The following CD163L1 variants were observed in gnomAD, a reference collection of about 807,000 sequenced individuals.
CD163L1 encodes scavenger receptor cysteine-rich type 1 protein M160.
In CD163L1, 124 loss-of-function variants were observed where a neutral mutation model predicts 165.4. The ratio of observed to expected loss-of-function variants is 0.75; its 90% CI spans 0.65 to 0.87. The LOEUF (loss-of-function observed/expected upper bound fraction) is 0.87. CD163L1 is among the 40% of genes least tolerant of loss of function. The pLI, the probability that CD163L1 is intolerant of heterozygous loss-of-function variation, is 0.00. For synonymous variants in CD163L1, 585 were observed against 662.2 expected, an observed-to-expected ratio of 0.88 and a Z score of 1.79; for missense variants, 1,525 against 1,799.9, an observed-to-expected ratio of 0.85 and a Z score of 2.76.
the CD163L1 span, among the ~76,000 whole-genome samples, chr12:7,324,888 A>T: frequency 6.6e-6 from 1 of 151,544 alleles, no homozygotes; most frequent in Non-Finnish European, 1.5e-5. Flanking sequence ...AAGTACAGCC[A>T]CATCCAAAGG....
chr12:7,426,108 G>T (rs1591962050), intron 4 of CD163L1, among the ~76,000 whole-genome samples: 1 of 152,306 alleles, frequency 6.6e-6, no homozygotes, highest in East Asian at 1.9e-4. Context: ...ATACTATGCA[G>T]CCATAAAAAA....
Position 7,400,998 on chromosome 12 carries a change from T to C in CD163L1, c.1409-2414A>G, listed in dbSNP as rs1947905270. On this transcript the variant is annotated intron_variant, in intron 6 of 19. Coordinates refer to ENST00000313599, the MANE Select transcript of CD163L1 (RefSeq NM_174941.6). The surrounding 1 kb of genome is among the most constrained non-coding windows in gnomAD (Gnocchi z 4.1). ...ATGCTAACACATAAACAAATACAAA[T>C]AAGTTGCTAATAAAGAATTAGGAAA... Among the ~76,000 whole-genome samples, 1 of 152,030 alleles carries C rather than the reference T, an allele frequency of 6.6e-6. No individual in the cohort carries two copies. Among genetic ancestry groups the C allele is most frequent in the Non-Finnish European group, 1.5e-5 (1 of 67,984 alleles).
At chr12:7,323,766 A>G in the CD163L1 span, among the ~76,000 whole-genome samples, 1 of 152,212 alleles carries the variant, frequency 6.6e-6, no homozygotes, top group East Asian at 1.9e-4. Flanking sequence ...CTCAGAAAGG[A>G]AAACCGGACA....
At position 7,367,298 on chromosome 12, in the gene CD163L1, T is replaced by A; in HGVS notation, c.4217A>T (p.Asn1406Ile). 6.2e-7 allele frequency: 1 copy of A among 1,613,438 alleles called. No homozygotes were observed. Among genetic ancestry groups the A allele is most frequent in the African/African-American group, 1.3e-5 (1 of 75,014 alleles). The change falls in exon 18 of 20, where the codon AAT becomes ATT. Residue 1406 changes from asparagine (N) to isoleucine (I), a missense_variant. Transcript: ENST00000313599. ...STRRRGSLEE[N>I]LFHEMETCLK... is the part of the protein sequence containing the mutation. Reference sequence around the variant, plus strand: ...GCAGGTCTCCATCTCATGGAATAAATTCTCCTCGAGAGAACCCCTCCTTCT... The same window carrying A: ...GCAGGTCTCCATCTCATGGAATAAAATCTCCTCGAGAGAACCCCTCCTTCT...
intron 2 of CD163L1, among the ~76,000 whole-genome samples, chr12:7,434,251 T>C (rs1948684596): frequency 6.6e-6 from 1 of 152,212 alleles, no homozygotes; most frequent in African/African-American, 2.4e-5. Context: ...TAGTCGTCCA[T>C]GATTGTAATA....
chr12:7,349,701 T>C (rs778794456), intron 4 of CD163L1, among the ~76,000 whole-genome samples: 8 of 152,216 alleles, frequency 5.3e-5, no homozygotes, highest in Admixed American at 1.3e-4. Flanking sequence ...TACTATGCTT[T>C]GGGCATTTTA....
chr12:7,327,005 AC>A, the CD163L1 span: 1 of 1,612,282 alleles, frequency 6.2e-7, no homozygotes, highest in Non-Finnish European at 8.5e-7. Context: ...TCTTAGCTGC[AC>A]CCTTTAAGTC....
At chr12:7,405,050 A>G (rs965374437) in intron 5 of CD163L1, among the ~76,000 whole-genome samples, 16 of 152,172 alleles carry the variant, frequency 1.1e-4, no homozygotes, top group African/African-American at 3.4e-4. Context: ...TGGGTTGGCC[A>G]TACACATCTG....
chr12:7,434,284 A>G (rs1948685745), intron 2 of CD163L1, among the ~76,000 whole-genome samples: 2 of 152,318 alleles, frequency 1.3e-5, no homozygotes, highest in Admixed American at 1.3e-4. Context: ...TTCTCTAATC[A>G]ACAGCTATGT....
intron 2 of CD163L1, among the ~76,000 whole-genome samples, chr12:7,437,017 A>C (rs1461947301): frequency 6.6e-6 from 1 of 150,588 alleles, no homozygotes; most frequent in East Asian, 1.9e-4. Context: ...TATATAAAAT[A>C]TAATGAAATA....
At chr12:7,335,265 A>T in the CD163L1 span, among the ~76,000 whole-genome samples, 1 of 152,224 alleles carries the variant, frequency 6.6e-6, no homozygotes, top group Non-Finnish European at 1.5e-5. Flanking sequence ...CAGTAACCAA[A>T]ACAGCATGGT....
At chr12:7,386,715 G>A (rs1008726328) in intron 8 of CD163L1, among the ~76,000 whole-genome samples, 1 of 151,124 alleles carries the variant, frequency 6.6e-6, no homozygotes, top group African/African-American at 2.4e-5. Context: ...CAGAATGAAT[G>A]ACAAAAACCA....
At chr12:7,367,156 G>C in intron 18 of CD163L1, 80 bp downstream of exon 18, 1 of 757,908 alleles carries the variant, frequency 1.3e-6, no homozygotes, top group Non-Finnish European at 2.2e-6. Flanking sequence ...TCTCCATCGA[G>C]TGGGAGTTCC....
At chr12:7,326,000 C>T in the CD163L1 span, among the ~76,000 whole-genome samples, 1 of 152,142 alleles carries the variant, frequency 6.6e-6, no homozygotes, top group Admixed American at 6.5e-5. Flanking sequence ...TTCTTATTCT[C>T]TCAATATAAA....
At chr12:7,399,832 T>C (rs1319707261) in intron 6 of CD163L1, among the ~76,000 whole-genome samples, 1 of 152,142 alleles carries the variant, frequency 6.6e-6, no homozygotes, top group Non-Finnish European at 1.5e-5. Flanking sequence ...CTAGAACCCC[T>C]GACCTCCTTT....
At chr12:7,415,240 C>T (rs1188691982) in intron 4 of CD163L1, among the ~76,000 whole-genome samples, 1 of 151,828 alleles carries the variant, frequency 6.6e-6, no homozygotes, top group Admixed American at 6.6e-5. Context: ...AAGTTGTTAT[C>T]AACTTAAAAA....
chr12:7,440,109 G>T, intron 2 of CD163L1: 2 of 786,432 alleles, frequency 2.5e-6, no homozygotes, highest in Non-Finnish European at 4.2e-6. Context: ...CCAATGGCGG[G>T]CTTGGACCCG....
chr12:7,369,717 G>A lies in CD163L1; in HGVS notation c.3731-52C>T. On this transcript the variant is annotated intron_variant, in intron 14 of 19. Transcript: ENST00000313599. This position sits in a 1 kb window ranked among gnomAD's most constrained non-coding sequence, Gnocchi z 4.9. ...TTTACTCCTGAAGGAGGTTGTGGGA[G>A]AATGCTGAGGTAGAAAAACTTGAAA... 6.6e-7 allele frequency: 1 copy of A among 1,525,994 alleles called. No homozygotes were observed. Among genetic ancestry groups the A allele is most frequent in the Non-Finnish European group, 8.9e-7 (1 of 1,119,332 alleles). 94.5% of individuals were successfully genotyped at this position (1,525,994 alleles called of 1,614,324 possible).
At chr12:7,424,085 A>C (rs1948492206) in intron 4 of CD163L1, among the ~76,000 whole-genome samples, 1 of 152,194 alleles carries the variant, frequency 6.6e-6, no homozygotes, top group African/African-American at 2.4e-5. Flanking sequence ...CCTCAATAAA[A>C]TACTGGCAAA....
Sources: gnomAD v4.1 joint callset for allele counts (sites outside exome capture counted in the v4.1 genomes callset) on GRCh38, gnomAD v4.1.1 for gene constraint, Gnocchi (gnomAD v3.1) non-coding constraint, MANE v1.5 for transcripts, NCBI Gene and HGNC (gene_info 2026-07-23, HGNC 2026-07-21) for gene names.